The following VPS54 variants were observed in gnomAD, a reference collection of about 807,000 sequenced individuals.
VPS54 encodes VPS54 subunit of GARP complex, also known as vacuolar protein sorting-associated protein 54.
A neutral mutation model predicts 121.5 loss-of-function variants in VPS54; 45 were observed. The ratio of observed to expected loss-of-function variants is 0.37; its 90% CI spans 0.29 to 0.47. The LOEUF is 0.47. VPS54 is among the 20% of genes least tolerant of loss of function. The probability of loss-of-function intolerance (pLI) is 0.99; values close to 1 mark genes in which losing one functional copy is unlikely to be tolerated. For missense variants in VPS54, 1,090 were observed against 1,131.4 expected (o/e 0.96, Z 0.52); for synonymous variants, 371 against 385.8 (o/e 0.96, Z 0.45).
intron 12 of VPS54, among the ~76,000 whole-genome samples, chr2:63,923,544 A>ACC (rs1048188461): frequency 6.6e-6 from 1 of 152,196 alleles, no homozygotes; most frequent in African/African-American, 2.4e-5. Flanking sequence ...ATGAACAGAT[A>ACC]AACAAAATGT....
chr2:63,894,423 C>CA (rs1228181087), intron 22 of VPS54, among the ~76,000 whole-genome samples: 8 of 152,104 alleles, frequency 5.3e-5, no homozygotes, highest in Non-Finnish European at 1.2e-4. Flanking sequence ...GATTCATGGC[C>CA]AGGAGCAGTG....
At chr2:63,968,485 A>G (rs556349431) in intron 5 of VPS54, among the ~76,000 whole-genome samples, 47 of 151,884 alleles carry the variant, frequency 3.1e-4, no homozygotes, top group African/African-American at 1.1e-3. Flanking sequence ...GCTGAGGTGG[A>G]CGGATCACTT....
At chr2:63,914,423 A>G (rs2104437258) in intron 16 of VPS54, 136 bp from the exon 17 acceptor site, 1 of 648,258 alleles carries the variant, frequency 1.5e-6, no homozygotes, top group South Asian at 2.0e-5. Flanking sequence ...ATGTTAAAGT[A>G]TGCATTTTAC....
chr2:63,954,399 G>A (rs1049243925), intron 7 of VPS54, among the ~76,000 whole-genome samples: 1 of 152,060 alleles, frequency 6.6e-6, no homozygotes, highest in Non-Finnish European at 1.5e-5. Context: ...GTTATCTTTG[G>A]AGGATGCTAG....
intron 3 of VPS54, among the ~76,000 whole-genome samples, chr2:63,980,105 G>A (rs1463226726): frequency 6.6e-6 from 1 of 152,098 alleles, no homozygotes; most frequent in Non-Finnish European, 1.5e-5. Flanking sequence ...AAAATTCTCA[G>A]CTTCTGCTTC....
intron 20 of VPS54, among the ~76,000 whole-genome samples, chr2:63,900,220 CAA>C (rs70965149): frequency 1.7e-4 from 11 of 63,384 alleles, no homozygotes; most frequent in Admixed American, 4.6e-4. Flanking sequence ...AACTCTGTCT[CAA>C]AAAAAAAAAA....
At chr2:63,917,334 T>C (rs914178047) in intron 15 of VPS54, among the ~76,000 whole-genome samples, 18 of 152,056 alleles carry the variant, frequency 1.2e-4, no homozygotes, top group African/African-American at 4.1e-4. Context: ...GATCAGCAAA[T>C]AGTTTTTTAA....
At chr2:63,941,110 T>G (rs974143935) in intron 11 of VPS54, among the ~76,000 whole-genome samples, 3 of 152,246 alleles carry the variant, frequency 2.0e-5, no homozygotes, top group Admixed American at 6.5e-5. Context: ...GGATGTTAAC[T>G]AGTACATAAA....
intron 12 of VPS54, among the ~76,000 whole-genome samples, chr2:63,932,155 G>C (rs1674239998): frequency 6.6e-6 from 1 of 152,084 alleles, no homozygotes. Context: ...CCCATTACTG[G>C]GCATATACCC....
intron 22 of VPS54, among the ~76,000 whole-genome samples, chr2:63,893,892 C>G (rs984697046): frequency 3.3e-5 from 5 of 152,224 alleles, no homozygotes; most frequent in African/African-American, 1.2e-4. Context: ...TATGGGAGTG[C>G]TGACTAAAAT....
intron 1 of VPS54, among the ~76,000 whole-genome samples, chr2:64,017,106 C>A (rs1260998900): frequency 6.7e-6 from 1 of 150,258 alleles, no homozygotes; most frequent in Non-Finnish European, 1.5e-5. Context: ...CTCTGGGAGG[C>A]CGAGGCCGGT....
intron 1 of VPS54, among the ~76,000 whole-genome samples, chr2:64,018,602 T>C (rs1358210957): frequency 1.3e-5 from 2 of 151,598 alleles, no homozygotes; most frequent in East Asian, 1.9e-4. Context: ...AAAGGAAAGT[T>C]TGGGGGCAGC....
At chr2:63,951,718 G>A (rs1179969994) in intron 7 of VPS54, among the ~76,000 whole-genome samples, 3 of 152,040 alleles carry the variant, frequency 2.0e-5, no homozygotes, top group Non-Finnish European at 2.9e-5. Context: ...TATATTTTAT[G>A]CATTCATGGC....
At chr2:63,999,912 G>A (rs116443726) in intron 1 of VPS54, among the ~76,000 whole-genome samples, 1,867 of 152,128 alleles carry the variant, frequency 0.012, 17 homozygotes, top group Non-Finnish European at 0.015. Context: ...CCAGACTAGA[G>A]TGCAATGGCA....
At chr2:63,940,710 G>C (rs1402794561) in intron 11 of VPS54, among the ~76,000 whole-genome samples, 2 of 151,524 alleles carry the variant, frequency 1.3e-5, no homozygotes, top group African/African-American at 4.8e-5. Context: ...CCATAACATT[G>C]AAGACTTACT....
At chr2:63,949,726 T>C (rs1216791484) in intron 7 of VPS54, among the ~76,000 whole-genome samples, 1 of 152,004 alleles carries the variant, frequency 6.6e-6, no homozygotes, top group East Asian at 1.9e-4. Flanking sequence ...GAGGTGGAAG[T>C]GGAGGCAGAA....
chr2:63,918,014 T>C (rs1673468845), intron 15 of VPS54, among the ~76,000 whole-genome samples: 1 of 152,026 alleles, frequency 6.6e-6, no homozygotes, highest in East Asian at 1.9e-4. Flanking sequence ...TATCCATTAA[T>C]CTTCATTTCC....
intron 11 of VPS54, among the ~76,000 whole-genome samples, chr2:63,939,595 T>C (rs1674623761): frequency 6.6e-6 from 1 of 151,988 alleles, no homozygotes; most frequent in African/African-American, 2.4e-5. Flanking sequence ...TTGTAGAAAA[T>C]TCAGGGAAAA....
intron 1 of VPS54, among the ~76,000 whole-genome samples, chr2:63,990,887 TATGTTAA>T (rs1054299432): frequency 2.0e-5 from 3 of 152,226 alleles, no homozygotes; most frequent in African/African-American, 7.2e-5. Flanking sequence ...TACTTCTCCT[TATGTTAA>T]ATGGTATTAC....
Sources: allele counts gnomAD v4.1 joint callset (sites outside exome capture counted in the v4.1 genomes callset), GRCh38; gene constraint gnomAD v4.1.1; transcripts MANE v1.5; gene names NCBI Gene and HGNC (gene_info 2026-07-23, HGNC 2026-07-21).